The following CCNY variants were observed in gnomAD, a reference collection of about 807,000 sequenced individuals.
The protein encoded by CCNY is cyclin Y, also known as cyclin-Y.
Under a neutral mutation model 42.8 loss-of-function variants are expected in CCNY, and 19 were observed. The ratio of observed to expected loss-of-function variants is 0.44; its 90% CI spans 0.31 to 0.65. The LOEUF is 0.65. Ranked by LOEUF, CCNY falls within the 30% of genes least tolerant of loss-of-function variation. The pLI is 0.07. For missense variants in CCNY, 370 were observed against 437.3 expected, an observed-to-expected ratio of 0.85 and a Z score of 1.37; for synonymous variants, 165 against 162.7, an observed-to-expected ratio of 1.01 and a Z score of -0.11.
chr10:35,451,200 T>C (rs559022924), intron 1 of CCNY, among the ~76,000 whole-genome samples: 10 of 152,352 alleles, frequency 6.6e-5, no homozygotes, highest in Admixed American at 5.2e-4. Flanking sequence ...TTTATATAAA[T>C]TGTGAAATCA....
At chr10:35,372,700 AGTT>A (rs1286891733) in intron 1 of CCNY, among the ~76,000 whole-genome samples, 1 of 152,054 alleles carries the variant, frequency 6.6e-6, no homozygotes, top group Non-Finnish European at 1.5e-5. Flanking sequence ...TACTGCTTAC[AGTT>A]GTTTATTTAT....
At chr10:35,449,173 G>A (rs1242802680) in intron 1 of CCNY, among the ~76,000 whole-genome samples, 1 of 151,436 alleles carries the variant, frequency 6.6e-6, no homozygotes, top group African/African-American at 2.4e-5. Context: ...GGCATACTGA[G>A]GGTATTCATT....
intron 1 of CCNY, among the ~76,000 whole-genome samples, chr10:35,431,164 T>C (rs888683320): frequency 9.2e-5 from 14 of 152,046 alleles, no homozygotes; most frequent in Admixed American, 2.6e-4. Context: ...TCATAAACCT[T>C]TCTGGTGAAT....
At chr10:35,404,483 A>G (rs1486594309) in intron 1 of CCNY, among the ~76,000 whole-genome samples, 1 of 152,114 alleles carries the variant, frequency 6.6e-6, no homozygotes, top group Admixed American at 6.5e-5. Flanking sequence ...AGTTTATATA[A>G]TGGTTTTGTT....
intron 1 of CCNY, among the ~76,000 whole-genome samples, chr10:35,339,744 G>A (rs1836132997): frequency 6.6e-6 from 1 of 152,170 alleles, no homozygotes; most frequent in Non-Finnish European, 1.5e-5. Flanking sequence ...ACATGAAGGG[G>A]TAATACTTGT....
At chr10:35,495,571 T>G (rs1239875020) in intron 2 of CCNY, among the ~76,000 whole-genome samples, 1 of 152,238 alleles carries the variant, frequency 6.6e-6, no homozygotes, top group Non-Finnish European at 1.5e-5. Context: ...CTTATTTAGA[T>G]TTCACTTTGA....
At chr10:35,515,134 G>T (rs1840401679) in intron 3 of CCNY, among the ~76,000 whole-genome samples, 1 of 152,150 alleles carries the variant, frequency 6.6e-6, no homozygotes, top group Admixed American at 6.5e-5. Flanking sequence ...CGTTCTCTAT[G>T]CCCTGTCCCC....
intron 1 of CCNY, among the ~76,000 whole-genome samples, chr10:35,403,793 C>T (rs113483383): frequency 1.6e-3 from 240 of 152,280 alleles, no homozygotes; most frequent in African/African-American, 5.2e-3. Context: ...GGAGGCAGAG[C>T]GGTAGCCTCA....
At chr10:35,484,050 C>G (rs1272304226) in intron 2 of CCNY, among the ~76,000 whole-genome samples, 1 of 152,126 alleles carries the variant, frequency 6.6e-6, no homozygotes, top group Non-Finnish European at 1.5e-5. Context: ...GGAGTTTTCT[C>G]TCTTTTCAGC....
At chr10:35,304,301 T>A (rs577778628) in intron 3 of CCNY, among the ~76,000 whole-genome samples, 1,808 of 53,300 alleles carry the variant, frequency 0.034, 479 homozygotes, top group South Asian at 0.15. Context: ...TTTATTTTTT[T>A]TTTTTTTTTA....
At chr10:35,386,794 G>A (rs1452432633) in intron 1 of CCNY, among the ~76,000 whole-genome samples, 3 of 151,452 alleles carry the variant, frequency 2.0e-5, no homozygotes, top group Non-Finnish European at 4.4e-5. Context: ...GATATGTCAA[G>A]ATTCCTTCAT....
intron 7 of CCNY, among the ~76,000 whole-genome samples, chr10:35,550,759 A>T (rs948239984): frequency 6.6e-6 from 1 of 152,090 alleles, no homozygotes; most frequent in Non-Finnish European, 1.5e-5. Context: ...AGAGCACCAC[A>T]TACCAGGTTT....
chr10:35,440,575 G>A (rs1838644682), intron 1 of CCNY, among the ~76,000 whole-genome samples: 3 of 152,306 alleles, frequency 2.0e-5, no homozygotes, highest in Middle Eastern at 6.8e-3. Flanking sequence ...GATGTCTTCA[G>A]AATAAGCTTC....
chr10:35,394,858 G>A (rs901827546), intron 1 of CCNY: 1 of 985,050 alleles, frequency 1.0e-6, no homozygotes, highest in African/African-American at 1.7e-5. Context: ...TTTCATCACG[G>A]GCCCTCTCCT....
At chr10:35,528,046 T>C (rs765211764) in intron 5 of CCNY, among the ~76,000 whole-genome samples, 3 of 152,210 alleles carry the variant, frequency 2.0e-5, no homozygotes, top group Non-Finnish European at 4.4e-5. Context: ...CAGGCGAATG[T>C]TTCTCTAGGG....
At chr10:35,396,861 T>A (rs961567738) in intron 1 of CCNY, among the ~76,000 whole-genome samples, 1 of 152,206 alleles carries the variant, frequency 6.6e-6, no homozygotes, top group Admixed American at 6.5e-5. Flanking sequence ...CAGCCTTGTC[T>A]GGCTTGCAGG....
chr10:35,522,214 C>T (rs998963086), intron 4 of CCNY, among the ~76,000 whole-genome samples: 17 of 152,182 alleles, frequency 1.1e-4, no homozygotes, highest in Admixed American at 9.8e-4. Flanking sequence ...TGGTGCCATT[C>T]ATTGGTTCCC....
chr10:35,565,088 G>T (rs1289278212), intron 8 of CCNY, among the ~76,000 whole-genome samples: 1 of 152,154 alleles, frequency 6.6e-6, no homozygotes, highest in East Asian at 1.9e-4. Context: ...TCACTGAGAA[G>T]GTTCCCCCCA....
At chr10:35,257,930 C>A (rs1486142074) in intron 3 of CCNY, among the ~76,000 whole-genome samples, 2 of 152,178 alleles carry the variant, frequency 1.3e-5, no homozygotes, top group African/African-American at 2.4e-5. Flanking sequence ...TTTCTTCAAT[C>A]TTTTTTCCTT....
Sources: allele counts gnomAD v4.1 joint callset (sites outside exome capture counted in the v4.1 genomes callset), GRCh38; gene constraint gnomAD v4.1.1; transcripts MANE v1.5; gene names NCBI Gene and HGNC (gene_info 2026-07-23, HGNC 2026-07-21).